The following SPTBN2 variants were observed in gnomAD, a reference collection of about 807,000 sequenced individuals.
The protein encoded by SPTBN2 is spectrin beta, non-erythrocytic 2.
SPTBN2 carries 107 observed loss-of-function variants against 284.2 expected under a neutral mutation model. The observed-to-expected ratio is 0.38, with a 90% CI of 0.32 to 0.44. The LOEUF is 0.44. Ranked by LOEUF, SPTBN2 falls within the 20% of genes least tolerant of loss-of-function variation. SPTBN2 has a pLI of 1.00. For synonymous variants in SPTBN2, 1,289 were observed against 1,354.8 expected, an observed-to-expected ratio of 0.95 and a Z score of 1.07; for missense variants, 2,569 against 3,287.1, an observed-to-expected ratio of 0.78 and a Z score of 5.34.
chr11:66,695,130 G>C (rs1341983863), intron 21 of SPTBN2, among the ~76,000 whole-genome samples: 1 of 151,534 alleles, frequency 6.6e-6, no homozygotes, highest in Non-Finnish European at 1.5e-5. Flanking sequence ...CTTCCTGGGG[G>C]ACTCCTCAAC....
intron 1 of SPTBN2, among the ~76,000 whole-genome samples, chr11:66,737,239 G>A (rs542878491): frequency 6.6e-6 from 1 of 152,250 alleles, no homozygotes; most frequent in Non-Finnish European, 1.5e-5. Flanking sequence ...CATTACACAA[G>A]GATTCTTCAG....
Position 66,700,496 on chromosome 11 carries a change from C to A in SPTBN2, c.3573+30G>T. 6.2e-7 allele frequency: 1 copy of A among 1,600,400 alleles called. No homozygotes were observed. Among genetic ancestry groups the A allele is most frequent in the Non-Finnish European group, 8.5e-7 (1 of 1,179,934 alleles). ...CCCGGGTCCCTACTTTGCTCTTCCT[C>A]CTGCTTGGGACTTTGCCCTGGACTT... is the stretch of plus-strand genomic sequence containing the variant. On this transcript the variant is annotated intron_variant, in intron 17 of 37. Transcript: ENST00000533211. The surrounding 1 kb of genome is among the most constrained non-coding windows in gnomAD (Gnocchi z 6.6).
In SPTBN2 at chr11:66,686,387, G is replaced by A. The variant is rs1026708944; in HGVS notation, c.6939+11C>T. The A allele has an allele frequency of 1.2e-5, 20 of 1,614,028 alleles. No homozygotes were observed. Among genetic ancestry groups the A allele is most frequent in the Non-Finnish European group, 1.5e-5 (18 of 1,180,012 alleles). The stretch of plus-strand genomic sequence containing the variant: ...TGGCACGGACAGAGAGGAACACGAA[G>A]GACAGCTCACCTCATCCTTGGCCTG... On this transcript the variant is annotated intron_variant, in intron 37 of 37. Transcript: ENST00000533211.
At chr11:66,713,943 C>T in intron 7 of SPTBN2, 148 bp downstream of exon 7, 1 of 930,724 alleles carries the variant, frequency 1.1e-6, no homozygotes, top group Non-Finnish European at 1.7e-6. Flanking sequence ...CTGCGCAGCC[C>T]TGCACCCCCA....
At chr11:66,733,533 G>A (rs901782182), upstream of SPTBN2, among the ~76,000 whole-genome samples, 1 of 152,214 alleles carries the variant, frequency 6.6e-6, no homozygotes, top group Non-Finnish European at 1.5e-5. Context: ...TGGAGAGATT[G>A]TTGGTTTTGG....
intron 1 of SPTBN2, among the ~76,000 whole-genome samples, chr11:66,722,892 CAAA>C (rs1293210992): frequency 3.6e-5 from 2 of 55,196 alleles, no homozygotes; most frequent in Non-Finnish European, 3.7e-5. Context: ...GATTCTGCCT[CAAA>C]AAAAAAAAAA....
At chr11:66,699,712 G>T in intron 17 of SPTBN2, 104 bp from the exon 18 acceptor site, 1 of 1,159,028 alleles carries the variant, frequency 8.6e-7, no homozygotes, top group Non-Finnish European at 1.3e-6. Context: ...CCAACAAGCA[G>T]ACAGGGAGGG....
At chr11:66,721,053 TCCC>T in intron 3 of SPTBN2, 28 bp downstream of exon 3, 1 of 1,613,728 alleles carries the variant, frequency 6.2e-7, no homozygotes, top group Non-Finnish European at 8.5e-7. Context: ...TCCTCCAGCA[TCCC>T]CCCACCTCGA....
chr11:66,719,064 C>A (rs1942276264), intron 3 of SPTBN2, among the ~76,000 whole-genome samples: 1 of 152,364 alleles, frequency 6.6e-6, no homozygotes, highest in East Asian at 1.9e-4. Context: ...GCGAGGGCGA[C>A]CCCTCTCTGG....
At chr11:66,686,843 C>T in intron 36 of SPTBN2, 151 bp downstream of exon 36, 3 of 1,017,558 alleles carry the variant, frequency 2.9e-6, no homozygotes, top group Non-Finnish European at 4.5e-6. Flanking sequence ...GAATCTCCGC[C>T]TCCCTCATCT....
chr11:66,695,381 G>A (rs546113516), intron 21 of SPTBN2, among the ~76,000 whole-genome samples: 1 of 152,280 alleles, frequency 6.6e-6, no homozygotes, highest in African/African-American at 2.4e-5. Context: ...TCAGCCTCCT[G>A]AGTAGCTGGG....
rs1237569505 is a variant in SPTBN2 at position 66,691,069 on chromosome 11, G to A, written c.5565+215C>T. On this transcript the variant is annotated intron_variant, in intron 27 of 37. Coordinates refer to ENST00000533211, the MANE Select transcript of SPTBN2 (RefSeq NM_006946.4). This position sits in a 1 kb window ranked among gnomAD's most constrained non-coding sequence, Gnocchi z 8.0. ...CAATCTCAGATGATCCGCCCTCCTC[G>A]GCCTCCCAAAGTGCTGGGATTACAG... is the stretch of plus-strand genomic sequence containing the variant. 6.6e-6 allele frequency among the ~76,000 whole-genome samples: 1 copy of A among 152,052 alleles called. No individual in the cohort carries two copies. The highest frequency in any genetic ancestry group is 1.5e-5 in the Non-Finnish European group (1 of 68,012).
In SPTBN2 at chr11:66,713,557, G is replaced by A. The variant is rs531368801; in HGVS notation, c.772+74C>T. ...TGGTTACTCCATGTCTTCCCCCTCC[G>A]CAGCCCCTGGCAACCACTGGTCCAC... On this transcript the variant is annotated intron_variant, in intron 8 of 37. Coordinates refer to ENST00000533211, the MANE Select transcript of SPTBN2 (RefSeq NM_006946.4). 2.0e-5 allele frequency: 24 copies of A among 1,176,082 alleles called. No homozygotes were observed. In the East Asian group the frequency reaches 2.6e-4, roughly 13 times the overall value. 72.9% of individuals were successfully genotyped at this position (1,176,082 alleles called of 1,614,324 possible). A position where few individuals can be genotyped will look rare whatever the true frequency, so the allele number is the denominator to read the frequency against.
At position 66,704,819 on chromosome 11, in the gene SPTBN2, G is replaced by T. The variant is rs765656791; in HGVS notation, c.2457C>A (p.Arg819=). ...GCACCCGGCTCTGCACCTCGGGCGTGCGGCTCAGTGTGGGGGGCAGGGCTG... is the reference window on the plus strand; with the variant it reads ...GCACCCGGCTCTGCACCTCGGGCGTTCGGCTCAGTGTGGGGGGCAGGGCTG... ...QAAALPPTLS[R]TPEVQSRVPT... The change falls in exon 15 of 38, where the codon CGC becomes CGA. Residue 819 remains arginine, a synonymous_variant. Transcript: ENST00000533211. 38 of 1,606,492 alleles carry T rather than the reference G, an allele frequency of 2.4e-5. No individual in the cohort carries two copies. Among genetic ancestry groups the T allele is most frequent in the Admixed American group, 1.0e-4 (6 of 59,958 alleles).
chr11:66,689,239 C>T, intron 29 of SPTBN2, 59 bp from the exon 30 acceptor site: 1 of 1,541,160 alleles, frequency 6.5e-7, no homozygotes, highest in South Asian at 1.2e-5. Flanking sequence ...TTCCACGGCC[C>T]CTGGGGAGTC....
Position 66,687,312 on chromosome 11 carries a change from G to T in SPTBN2, c.6722+115C>A. 1 of 1,548,410 alleles carries T rather than the reference G, an allele frequency of 6.5e-7. No individual in the cohort carries two copies. Among genetic ancestry groups the T allele is most frequent in the Non-Finnish European group, 8.8e-7 (1 of 1,136,466 alleles). ...TGGTCCTCCCCTGAGGCCCCGCTCT[G>T]GTCCCAAGTCCTACCCTTTGCCCAG... On this transcript the variant is annotated intron_variant, in intron 35 of 37. Coordinates refer to ENST00000533211, the MANE Select transcript of SPTBN2 (RefSeq NM_006946.4). This position sits in a 1 kb window ranked among gnomAD's most constrained non-coding sequence, Gnocchi z 5.2.
chr11:66,690,426 G>T, intron 27 of SPTBN2, 143 bp from the exon 28 acceptor site: 2 of 1,196,404 alleles, frequency 1.7e-6, no homozygotes, highest in South Asian at 1.6e-5. Flanking sequence ...GGGGTGCTGG[G>T]AAAGATGAAG....
Position 66,689,930 on chromosome 11 carries a change from C to A in SPTBN2, c.5824G>T (p.Ala1942Ser). The A allele has an allele frequency of 6.2e-7, 1 of 1,614,064 alleles. No homozygotes were observed. The highest frequency in any genetic ancestry group is 8.5e-7 in the Non-Finnish European group (1 of 1,180,006). Residue 1942 changes from alanine to serine, a missense_variant, in exon 29 of 38, where the codon GCG (alanine) becomes TCG (serine). Ala to Ser is a moderately conservative substitution (Grantham distance 99). This residue lies in a region of SPTBN2 where 1,130 missense variants were observed against 1,317.3 expected (regional missense o/e 0.86). Coordinates refer to ENST00000533211, the MANE Select transcript of SPTBN2 (RefSeq NM_006946.4). ...AQERPRDVSS[A>S]DLVIKNQQGI... The stretch of plus-strand genomic sequence containing the variant: ...TGCTGGTTCTTGATGACTAGATCCG[C>A]GGAGGACACATCCCTGGGGGGAGGC...
rs1016001366 is a variant in SPTBN2, at chr11:66,718,583, C to T, written c.157+2501G>A. Among the ~76,000 whole-genome samples, 1 of 152,196 alleles carries T rather than the reference C, an allele frequency of 6.6e-6. No individual in the cohort carries two copies. Among genetic ancestry groups the T allele is most frequent in the Non-Finnish European group, 1.5e-5 (1 of 68,018 alleles). The stretch of plus-strand genomic sequence containing the variant: ...GTAAAACTCGCTGGCCTCATGCAGG[C>T]CGTTCCCGTGCACCCTGCTCACTCC... On this transcript the variant is annotated intron_variant, in intron 3 of 37. Transcript: ENST00000533211. This position sits in a 1 kb window ranked among gnomAD's most constrained non-coding sequence, Gnocchi z 4.8.
Sources: gnomAD v4.1 joint callset for allele counts (sites outside exome capture counted in the v4.1 genomes callset) on GRCh38, gnomAD v4.1.1 for gene constraint, gnomAD v4.1.1 regional missense constraint, Gnocchi (gnomAD v3.1) non-coding constraint, MANE v1.5 for transcripts, NCBI Gene and HGNC (gene_info 2026-07-23, HGNC 2026-07-21) for gene names.